Variants in LRP1B observed in about 807,000 individuals in gnomAD.
The protein encoded by LRP1B is LDL receptor related protein 1B.
LRP1B carries 217 observed loss-of-function variants against 556.6 expected under a neutral mutation model. The ratio of observed to expected loss-of-function variants is 0.39; its 90% CI spans 0.35 to 0.44. LRP1B has a LOEUF of 0.44. Among genes scored for constraint, LRP1B ranks in the 20% least tolerant of loss-of-function variants. The pLI, the probability that LRP1B is intolerant of heterozygous loss-of-function variation, is 1.00. For missense variants in LRP1B, 5,053 were observed against 5,620.8 expected, an observed-to-expected ratio of 0.90 and a Z score of 3.23; for synonymous variants, 2,047 against 1,865.8, an observed-to-expected ratio of 1.10 and a Z score of -2.50.
At chr2:141,517,415 T>A (rs532352813) in intron 2 of LRP1B, among the ~76,000 whole-genome samples, 18 of 152,260 alleles carry the variant, frequency 1.2e-4, no homozygotes, top group Middle Eastern at 3.4e-3. Context: ...AGTGCCTCAC[T>A]GTTAGAAGTG....
chr2:141,917,893 T>C (rs1012437674), intron 1 of LRP1B, among the ~76,000 whole-genome samples: 1 of 152,180 alleles, frequency 6.6e-6, no homozygotes, highest in African/African-American at 2.4e-5. Context: ...TTTATTGCAA[T>C]ATTGTTTGAA....
chr2:141,771,818 T>TTTG (rs1323721307), intron 2 of LRP1B, among the ~76,000 whole-genome samples: 1 of 152,058 alleles, frequency 6.6e-6, no homozygotes, highest in Admixed American at 6.5e-5. Context: ...TTTGTTTGTT[T>TTTG]TTGTTGTTGT....
intron 3 of LRP1B, among the ~76,000 whole-genome samples, chr2:141,309,382 G>A (rs1363742156): frequency 1.3e-5 from 2 of 152,162 alleles, no homozygotes; most frequent in Non-Finnish European, 2.9e-5. Flanking sequence ...GATTGAAGTG[G>A]ATATGTTTGA....
At chr2:140,742,735 T>C (rs1397021998) in intron 35 of LRP1B, among the ~76,000 whole-genome samples, 1 of 152,054 alleles carries the variant, frequency 6.6e-6, no homozygotes. Context: ...CTATGAATGA[T>C]TTTTGCCACT....
chr2:142,037,613 TC>T (rs1257305204), intron 1 of LRP1B, among the ~76,000 whole-genome samples: 1 of 151,598 alleles, frequency 6.6e-6, no homozygotes, highest in African/African-American at 2.4e-5. Context: ...ACAATCTGGT[TC>T]AGGGGAAATG....
intron 84 of LRP1B, among the ~76,000 whole-genome samples, chr2:140,291,312 ATATATATT>A (rs913839179): frequency 1.6e-4 from 10 of 63,414 alleles, no homozygotes; most frequent in Non-Finnish European, 2.6e-4. Flanking sequence ...ATATATATAT[ATATATATT>A]TTTATTATAC....
chr2:140,325,920 T>G, intron 79 of LRP1B, 42 bp from the exon 80 acceptor site: 1 of 1,196,946 alleles, frequency 8.4e-7, no homozygotes, highest in Non-Finnish European at 1.2e-6. Flanking sequence ...GCAAGTAAAT[T>G]TGAAATCATT....
chr2:141,677,226 T>C (rs887049229), intron 2 of LRP1B, among the ~76,000 whole-genome samples: 3 of 152,002 alleles, frequency 2.0e-5, no homozygotes, highest in African/African-American at 4.8e-5. Context: ...TTTCAAAAAA[T>C]TGAGCCTGAA....
intron 17 of LRP1B, among the ~76,000 whole-genome samples, chr2:140,985,159 A>G (rs3820784): frequency 0.33 from 49,531 of 151,748 alleles, 8,582 homozygotes; most frequent in East Asian, 0.58. Flanking sequence ...TCCTATAGCC[A>G]TGTAACAGTG....
At chr2:141,110,572 G>C (rs1446605545) in intron 7 of LRP1B, among the ~76,000 whole-genome samples, 1 of 152,064 alleles carries the variant, frequency 6.6e-6, no homozygotes, top group Non-Finnish European at 1.5e-5. Flanking sequence ...GGAAGAACAG[G>C]AGAGTTTCCA....
intron 45 of LRP1B, among the ~76,000 whole-genome samples, chr2:140,539,517 G>T (rs563367480): frequency 6.6e-6 from 1 of 151,980 alleles, no homozygotes; most frequent in African/African-American, 2.4e-5. Flanking sequence ...ATTTCCTCTC[G>T]TCAACAGAGA....
chr2:141,251,971 C>A (rs532196735), intron 4 of LRP1B, among the ~76,000 whole-genome samples: 1 of 152,084 alleles, frequency 6.6e-6, no homozygotes, highest in African/African-American at 2.4e-5. Context: ...ACTTCCAAAC[C>A]CTTCTTCCTC....
intron 7 of LRP1B, among the ~76,000 whole-genome samples, chr2:141,132,020 T>C (rs181940350): frequency 1.3e-5 from 2 of 152,148 alleles, no homozygotes; most frequent in Non-Finnish European, 2.9e-5. Context: ...CCAGAGTTCA[T>C]TGGATCATTC....
chr2:141,027,187 T>C (rs1323362883), intron 11 of LRP1B, among the ~76,000 whole-genome samples: 2 of 152,138 alleles, frequency 1.3e-5, no homozygotes, highest in Admixed American at 6.6e-5. Context: ...GTACAAACTT[T>C]CCAATCACAA....
chr2:141,894,278 A>G (rs543359547), intron 1 of LRP1B, among the ~76,000 whole-genome samples: 10 of 152,088 alleles, frequency 6.6e-5, no homozygotes, highest in Non-Finnish European at 1.2e-4. Flanking sequence ...AAAAAAATAC[A>G]TACAAGAATT....
intron 35 of LRP1B, among the ~76,000 whole-genome samples, chr2:140,717,164 T>C (rs1380076960): frequency 6.6e-6 from 1 of 152,090 alleles, no homozygotes; most frequent in Non-Finnish European, 1.5e-5. Context: ...CATGTTATTT[T>C]GGACCACAGT....
chr2:141,466,816 T>A (rs553559692), intron 3 of LRP1B, among the ~76,000 whole-genome samples: 1 of 152,120 alleles, frequency 6.6e-6, no homozygotes, highest in African/African-American at 2.4e-5. Flanking sequence ...ATAACCTTTT[T>A]TTAATATGAA....
In LRP1B at chr2:141,346,117, A is replaced by G. The variant is rs548876004; in HGVS notation, c.344-91476T>C. On this transcript the variant is annotated intron_variant, in intron 3 of 90. Transcript: ENST00000389484. ...GTTTTTTTAAGTTTTATTTTCCACCAATTGTCTTTTTCTTCCATGTTTTGT... is the reference window on the plus strand; with the variant it reads ...GTTTTTTTAAGTTTTATTTTCCACCGATTGTCTTTTTCTTCCATGTTTTGT... 6.6e-5 allele frequency among the ~76,000 whole-genome samples: 10 copies of G among 151,838 alleles called. No individual in the cohort carries two copies. The East Asian group carries it at 1.7e-3, about 27-fold the overall frequency.
chr2:141,662,671 T>G (rs1690266074), intron 2 of LRP1B, among the ~76,000 whole-genome samples: 1 of 151,866 alleles, frequency 6.6e-6, no homozygotes, highest in Non-Finnish European at 1.5e-5. Context: ...AGCACCGAGA[T>G]TCATAAAATG....
Sources: gnomAD v4.1 joint callset for allele counts (sites outside exome capture counted in the v4.1 genomes callset) on GRCh38, gnomAD v4.1.1 for gene constraint, MANE v1.5 for transcripts, NCBI Gene and HGNC (gene_info 2026-07-23, HGNC 2026-07-21) for gene names.